Variants in CASZ1 observed in about 807,000 individuals in gnomAD.
CASZ1 encodes the protein zinc finger protein castor homolog 1.
In CASZ1, 28 loss-of-function variants were observed where a neutral mutation model predicts 135.2. The observed-to-expected ratio is 0.21, with a 90% CI of 0.15 to 0.28. CASZ1 has a LOEUF of 0.28. Among genes scored for constraint, CASZ1 ranks in the 10% least tolerant of loss-of-function variants. CASZ1 has a pLI of 1.00. For missense variants in CASZ1, 2,161 were observed against 2,453.3 expected, an observed-to-expected ratio of 0.88 and a Z score of 2.52; for synonymous variants, 1,068 against 1,073.4, an observed-to-expected ratio of 0.99 and a Z score of 0.10.
At position 10,660,158 on chromosome 1, in the gene CASZ1, G is replaced by T. The variant is rs373528343; in HGVS notation, c.884C>A (p.Pro295Gln). Reference protein sequence around the residue: ...LETKATILPLPSHSSVQMQNL... With the variant: ...LETKATILPLQSHSSVQMQNL... ...CTGCATCTGGACACTGCTGTGCGAC[G>T]GCAGGGGCAGGATGGTGGCCTTGGT... Residue 295 changes from proline to glutamine, a missense_variant, in exon 6 of 21, where the codon CCG becomes CAG. By Grantham distance (76) the Pro-to-Gln change is moderately conservative. Coordinates refer to ENST00000377022, the MANE Select transcript of CASZ1 (RefSeq NM_001079843.3). 6.2e-7 allele frequency: 1 copy of T among 1,614,050 alleles called. No individual in the cohort carries two copies. The highest frequency in any genetic ancestry group is 8.5e-7 in the Non-Finnish European group (1 of 1,179,988).
intron 4 of CASZ1, among the ~76,000 whole-genome samples, chr1:10,667,396 A>G (rs1033038340): frequency 6.6e-6 from 1 of 152,178 alleles, no homozygotes; most frequent in Non-Finnish European, 1.5e-5. Context: ...TCAGGGCCTT[A>G]GACACTTGCC....
chr1:10,742,399 G>A (rs1186800582), intron 2 of CASZ1, among the ~76,000 whole-genome samples: 2 of 152,274 alleles, frequency 1.3e-5, no homozygotes, highest in South Asian at 2.1e-4. Flanking sequence ...TTCTCGGCTC[G>A]GACGCGGGGC....
chr1:10,765,534 G>A (rs529105331), intron 1 of CASZ1, among the ~76,000 whole-genome samples: 65 of 152,094 alleles, frequency 4.3e-4, no homozygotes, highest in Admixed American at 9.2e-4. Context: ...GCAGGTATTC[G>A]ACGGTACACA....
At position 10,654,089 on chromosome 1, in the gene CASZ1, G is replaced by A. The variant is rs779789610; in HGVS notation, c.1968C>T (p.Tyr656=). 6 of 1,614,244 alleles carry A rather than the reference G, an allele frequency of 3.7e-6. No individual in the cohort carries two copies. Among genetic ancestry groups the A allele is most frequent in the South Asian group, 3.3e-5 (3 of 91,086 alleles). The change falls in exon 11 of 21, where the codon TAC becomes TAT. Residue 656 remains tyrosine, a synonymous_variant. Coordinates refer to ENST00000377022, the MANE Select transcript of CASZ1 (RefSeq NM_001079843.3). The part of the protein sequence containing the change: ...KKFYKYEECK[Y]EGCVYSKATN... ...TAGCCTTGCTGTACACGCAGCCCTC[G>A]TACTTGCACTCCTCGTACTTGTAGA...
At chr1:10,669,665 G>A (rs569711017) in intron 4 of CASZ1, among the ~76,000 whole-genome samples, 1 of 152,288 alleles carries the variant, frequency 6.6e-6, no homozygotes, top group African/African-American at 2.4e-5. Flanking sequence ...TCAGGGCCAG[G>A]CCCCCTCCCG....
rs1461438325 is a variant in CASZ1, at chr1:10,777,913, GCACA to G, written c.-233-17060_-233-17057del. ...ATTTCACACAAAATCTCACACACAGGCACACACAGTCTTCCACACCATTTCACAC... is the reference window on the plus strand; with the variant it reads ...ATTTCACACAAAATCTCACACACAGGCACAGTCTTCCACACCATTTCACAC... On this transcript the variant is annotated intron_variant, in intron 1 of 20. Coordinates refer to ENST00000377022, the MANE Select transcript of CASZ1 (RefSeq NM_001079843.3). This position sits in a 1 kb window ranked among gnomAD's most constrained non-coding sequence, Gnocchi z 4.4. 6.7e-6 allele frequency among the ~76,000 whole-genome samples: 1 copy of G among 149,530 alleles called. No individual in the cohort carries two copies. Among genetic ancestry groups the G allele is most frequent in the African/African-American group, 2.5e-5 (1 of 40,444 alleles).
At chr1:10,738,636 C>T (rs1416173843) in intron 2 of CASZ1, among the ~76,000 whole-genome samples, 3 of 152,176 alleles carry the variant, frequency 2.0e-5, no homozygotes, top group Non-Finnish European at 4.4e-5. Context: ...GGCAGGGCCT[C>T]GACCCAACTG....
chr1:10,731,607 A>G (rs769478160), intron 2 of CASZ1, among the ~76,000 whole-genome samples: 40 of 152,202 alleles, frequency 2.6e-4, no homozygotes, highest in Non-Finnish European at 4.6e-4. Context: ...AAACACACAC[A>G]GAAAAACAAA....
chr1:10,715,020 T>C (rs1379220509), intron 2 of CASZ1, among the ~76,000 whole-genome samples: 1 of 152,194 alleles, frequency 6.6e-6, no homozygotes, highest in Non-Finnish European at 1.5e-5. Flanking sequence ...CAGGTTCCCT[T>C]CCTTCCATTA....
At chr1:10,698,933 C>G (rs1049202803) in intron 3 of CASZ1, among the ~76,000 whole-genome samples, 1 of 152,224 alleles carries the variant, frequency 6.6e-6, no homozygotes, top group Non-Finnish European at 1.5e-5. Context: ...CACAGCGGAC[C>G]GGACCGGAGG....
At chr1:10,789,524 GTCTC>G (rs138435396) in intron 1 of CASZ1, among the ~76,000 whole-genome samples, 13 of 147,526 alleles carry the variant, frequency 8.8e-5, no homozygotes, top group South Asian at 4.4e-4. Flanking sequence ...ACACGTCCCT[GTCTC>G]TCTCTCTCTC....
chr1:10,794,887 C>G lies in CASZ1; in HGVS notation c.-234+1677G>C, dbSNP rs1041110879. Among the ~76,000 whole-genome samples, 1 of 151,112 alleles carries G rather than the reference C, an allele frequency of 6.6e-6. No individual in the cohort carries two copies. Among genetic ancestry groups the G allele is most frequent in the East Asian group, 1.9e-4 (1 of 5,172 alleles). Reference sequence around the variant, plus strand: ...GCTCCGCAGCGGCCCAGCAACCGCCCGCCCGCCCGCGCCCGGCCAGCCCCC... The same window carrying G: ...GCTCCGCAGCGGCCCAGCAACCGCCGGCCCGCCCGCGCCCGGCCAGCCCCC... On this transcript the variant is annotated intron_variant, in intron 1 of 20. Transcript: ENST00000377022. The surrounding 1 kb of genome is among the most constrained non-coding windows in gnomAD (Gnocchi z 5.6).
rs1349678303 is a variant in CASZ1 at position 10,654,002 on chromosome 1, C to T, written c.2055G>A (p.Met685Ile). ...CGFTFTSTSQ[M>I]TSHKRKHERR... ...GCTCATGCTTGCGCTTGTGAGAGGT[C>T]ATCTGGCTGGTGGAGGTGAAGGTGA... Residue 685 changes from methionine to isoleucine, a missense_variant, in exon 11 of 21, where the codon ATG becomes ATA. This residue lies in a region of CASZ1 where 248 missense variants were observed against 410.8 expected (regional missense o/e 0.60). Coordinates refer to ENST00000377022, the MANE Select transcript of CASZ1 (RefSeq NM_001079843.3). 8.7e-6 allele frequency: 14 copies of T among 1,614,058 alleles called. No individual in the cohort carries two copies. The highest frequency in any genetic ancestry group is 1.2e-5 in the Non-Finnish European group (14 of 1,180,022).
At chr1:10,740,434 G>A (rs1034641414) in intron 2 of CASZ1, among the ~76,000 whole-genome samples, 3 of 152,234 alleles carry the variant, frequency 2.0e-5, no homozygotes, top group African/African-American at 7.2e-5. Flanking sequence ...TCTGGCTTAT[G>A]CCTGTGTAAC....
intron 3 of CASZ1, among the ~76,000 whole-genome samples, chr1:10,703,266 C>T (rs916636310): frequency 7.2e-5 from 11 of 152,172 alleles, no homozygotes; most frequent in Middle Eastern, 3.2e-3. Flanking sequence ...CCTTGGCCCA[C>T]AGCAGTAGAA....
At chr1:10,784,158 A>T (rs763574466) in intron 1 of CASZ1, among the ~76,000 whole-genome samples, 2 of 152,162 alleles carry the variant, frequency 1.3e-5, no homozygotes, top group Non-Finnish European at 2.9e-5. Context: ...CTGCCCTGGG[A>T]GAGAGGAAAC....
Position 10,756,741 on chromosome 1 carries a change from C to A in CASZ1, c.-77+3960G>T, listed in dbSNP as rs977557391. On this transcript the variant is annotated intron_variant, in intron 2 of 20. Coordinates refer to ENST00000377022, the MANE Select transcript of CASZ1 (RefSeq NM_001079843.3). This position sits in a 1 kb window ranked among gnomAD's most constrained non-coding sequence, Gnocchi z 5.9. ...GTGTGTGGCGACACTATTAGGATCC[C>A]TGCCGATGAGCAGATGAGCAGCGGC... Among the ~76,000 whole-genome samples the A allele has an allele frequency of 3.3e-5, 5 of 152,200 alleles. No homozygotes were observed. Among genetic ancestry groups the A allele is most frequent in the African/African-American group, 1.2e-4 (5 of 41,438 alleles).
At position 10,762,769 on chromosome 1, in the gene CASZ1, C is replaced by T. The variant is rs1040016259; in HGVS notation, c.-233-1912G>A. On this transcript the variant is annotated intron_variant, in intron 1 of 20. Transcript: ENST00000377022. This position sits in a 1 kb window ranked among gnomAD's most constrained non-coding sequence, Gnocchi z 4.1. ...AAAAGGTTAAGGGAAACACATCTACCTCCCCAACTCCAGGCAAGGCGCTGG... is the reference window on the plus strand; with the variant it reads ...AAAAGGTTAAGGGAAACACATCTACTTCCCCAACTCCAGGCAAGGCGCTGG... 2.1e-4 allele frequency among the ~76,000 whole-genome samples: 32 copies of T among 152,152 alleles called. No individual in the cohort carries two copies. The highest frequency in any genetic ancestry group is 4.3e-4 in the Non-Finnish European group (29 of 68,032).
intron 3 of CASZ1, among the ~76,000 whole-genome samples, chr1:10,703,642 A>G (rs1639109442): frequency 1.3e-5 from 2 of 152,138 alleles, no homozygotes; most frequent in Admixed American, 1.3e-4. Flanking sequence ...GCTCCCTGGA[A>G]TCAGGAGCCC....
Sources: gnomAD v4.1 joint callset for allele counts (sites outside exome capture counted in the v4.1 genomes callset) on GRCh38, gnomAD v4.1.1 for gene constraint, gnomAD v4.1.1 regional missense constraint, Gnocchi (gnomAD v3.1) non-coding constraint, MANE v1.5 for transcripts, NCBI Gene and HGNC (gene_info 2026-07-23, HGNC 2026-07-21) for gene names.